The following RPTOR variants were observed in gnomAD, a reference collection of about 807,000 sequenced individuals.
The protein encoded by RPTOR is regulatory associated protein of MTOR complex 1.
In RPTOR, 21 loss-of-function variants were observed where a neutral mutation model predicts 169.9. The observed-to-expected ratio is 0.12, with a 90% CI of 0.09 to 0.18. The LOEUF (loss-of-function observed/expected upper bound fraction) is 0.18, where lower values mean the gene tolerates loss of function less well. RPTOR is among the 10% of genes least tolerant of loss of function. The pLI, the probability that RPTOR is intolerant of heterozygous loss-of-function variation, is 1.00. For missense variants in RPTOR, 1,133 were observed against 1,855.9 expected (o/e 0.61, Z 7.16); for synonymous variants, 732 against 753.2 (o/e 0.97, Z 0.46).
Position 80,707,173 on chromosome 17 carries a change from G to A in RPTOR, c.349-668G>A, listed in dbSNP as rs974363832. ...CACTCTTCTGCCATTGCTGCCATGT[G>A]TACATTGCAGGCTCCTTCATTTGAG... On this transcript the variant is annotated intron_variant, in intron 3 of 33. Transcript: ENST00000306801. The surrounding 1 kb of genome is among the most constrained non-coding windows in gnomAD (Gnocchi z 5.0). Among the ~76,000 whole-genome samples the A allele has an allele frequency of 1.3e-5, 2 of 152,184 alleles. No homozygotes were observed. Among genetic ancestry groups the A allele is most frequent in the African/African-American group, 4.8e-5 (2 of 41,430 alleles).
Position 80,707,832 on chromosome 17 carries a change from C to G in RPTOR, c.349-9C>G. The G allele has an allele frequency of 6.2e-7, 1 of 1,607,112 alleles. No homozygotes were observed. The highest frequency in any genetic ancestry group is 8.5e-7 in the Non-Finnish European group (1 of 1,174,778). On this transcript the variant is annotated splice_polypyrimidine_tract_variant and intron_variant, in intron 3 of 33. Transcript: ENST00000306801. This position sits in a 1 kb window ranked among gnomAD's most constrained non-coding sequence, Gnocchi z 5.0. ...GTGGTAAATTTCTTCATTTCTTCTC[C>G]TGCAACAGGCCCGGTACAAGCAGAG...
chr17:80,680,795 C>G (rs1215991999), intron 3 of RPTOR, among the ~76,000 whole-genome samples: 1 of 152,100 alleles, frequency 6.6e-6, no homozygotes, highest in Middle Eastern at 3.2e-3. Context: ...AGCTCCTTTG[C>G]AAGTGGTCCT....
chr17:80,729,453 A>G (rs1188858251), intron 4 of RPTOR, among the ~76,000 whole-genome samples: 2 of 152,232 alleles, frequency 1.3e-5, no homozygotes, highest in African/African-American at 2.4e-5. Context: ...GTGTTTCTCA[A>G]GTGAGATGAG....
At chr17:80,843,576 C>T (rs1460358226) in intron 10 of RPTOR, among the ~76,000 whole-genome samples, 1 of 151,842 alleles carries the variant, frequency 6.6e-6, no homozygotes, top group Non-Finnish European at 1.5e-5. Flanking sequence ...AATGTCCCTA[C>T]AGAGCCGTAC....
In RPTOR at chr17:80,659,782, G is replaced by A. The variant is rs563685901; in HGVS notation, c.348+15972G>A. Among the ~76,000 whole-genome samples the A allele has an allele frequency of 2.5e-3, 385 of 152,182 alleles. No individual in the cohort carries two copies. The highest frequency in any genetic ancestry group is 3.9e-3 in the Non-Finnish European group (266 of 68,000). The stretch of plus-strand genomic sequence containing the variant: ...TCTCCCAAAGTGCTGAGATACAGGC[G>A]TGAGCCACTGCGCCCGGACCATCTG... On this transcript the variant is annotated intron_variant, in intron 3 of 33. Transcript: ENST00000306801. The surrounding 1 kb of genome is among the most constrained non-coding windows in gnomAD (Gnocchi z 4.3).
At position 80,695,823 on chromosome 17, in the gene RPTOR, G is replaced by C. The variant is rs557015562; in HGVS notation, c.349-12018G>C. Reference sequence around the variant, plus strand: ...GGCACCAAGGCCAGGGAGGAGCGTTGGGGGTGGCTGGAGCTGGTGGGCCAA... The same window carrying C: ...GGCACCAAGGCCAGGGAGGAGCGTTCGGGGTGGCTGGAGCTGGTGGGCCAA... On this transcript the variant is annotated intron_variant, in intron 3 of 33. Coordinates refer to ENST00000306801, the MANE Select transcript of RPTOR (RefSeq NM_020761.3). The surrounding 1 kb of genome is among the most constrained non-coding windows in gnomAD (Gnocchi z 4.9). Among the ~76,000 whole-genome samples the C allele has an allele frequency of 2.6e-3, 402 of 152,338 alleles. 2 individuals are homozygous for C. The highest frequency in any genetic ancestry group is 4.7e-3 in the Non-Finnish European group (319 of 68,026).
intron 24 of RPTOR, among the ~76,000 whole-genome samples, chr17:80,938,012 A>T (rs916009328): frequency 6.6e-6 from 1 of 152,216 alleles, no homozygotes; most frequent in Admixed American, 6.5e-5. Context: ...AGGGCTGTAA[A>T]GGAAGGCTGT....
chr17:80,700,628 GCGGCGATGATGGTGGTGGTGA>G (rs2066083271), intron 3 of RPTOR, among the ~76,000 whole-genome samples: 1 of 15,772 alleles, frequency 6.3e-5, no homozygotes, highest in Non-Finnish European at 1.5e-4. Context: ...GGTGGTGGTG[GCGGCGATGATGGTGGTGGTGA>G]TGGTAGAGAT....
Position 80,720,726 on chromosome 17 carries a change from A to G in RPTOR, c.508-9834A>G, listed in dbSNP as rs968273611. On this transcript the variant is annotated intron_variant, in intron 4 of 33. Coordinates refer to ENST00000306801, the MANE Select transcript of RPTOR (RefSeq NM_020761.3). ...GCGGTGCCCATGCTTGAGTGCGCCC[A>G]GCATCACCTGCAGGCTCACGGAGCC... is the stretch of plus-strand genomic sequence containing the variant. Among the ~76,000 whole-genome samples, 6 of 152,230 alleles carry G rather than the reference A, an allele frequency of 3.9e-5. No individual in the cohort carries two copies. The East Asian group carries it at 1.2e-3, about 29-fold the overall frequency.
At chr17:80,641,377 T>A (rs750108711) in intron 2 of RPTOR, among the ~76,000 whole-genome samples, 27 of 152,272 alleles carry the variant, frequency 1.8e-4, no homozygotes, top group Non-Finnish European at 3.2e-4. Flanking sequence ...CTGGCATCTC[T>A]GTTTTGAAAA....
chr17:80,816,323 G>A (rs1454266385), intron 7 of RPTOR, among the ~76,000 whole-genome samples: 1 of 152,230 alleles, frequency 6.6e-6, no homozygotes, highest in African/African-American at 2.4e-5. Context: ...AGGCCTGGCT[G>A]GCCCCAGTGC....
At chr17:80,742,329 G>T (rs1324942464) in intron 5 of RPTOR, among the ~76,000 whole-genome samples, 1 of 152,132 alleles carries the variant, frequency 6.6e-6, no homozygotes, top group Non-Finnish European at 1.5e-5. Flanking sequence ...GGAGGAGCTG[G>T]CTGGAGGCGG....
intron 6 of RPTOR, among the ~76,000 whole-genome samples, chr17:80,760,660 G>C (rs546005663): frequency 6.8e-4 from 104 of 152,304 alleles, no homozygotes; most frequent in Non-Finnish European, 1.2e-3. Context: ...AGGAGCTATA[G>C]CTTGGCACTT....
chr17:80,684,334 A>G lies in RPTOR; in HGVS notation c.349-23507A>G, dbSNP rs1184055698. 2.0e-5 allele frequency among the ~76,000 whole-genome samples: 3 copies of G among 151,216 alleles called. No individual in the cohort carries two copies. The South Asian group carries it at 6.3e-4, about 32-fold the overall frequency. ...ATGTCATCTCCCCAATCCTGTTTCC[A>G]GGCTGCCTTGTGTTTCATTACTTTC... is the stretch of plus-strand genomic sequence containing the variant. On this transcript the variant is annotated intron_variant, in intron 3 of 33. Coordinates refer to ENST00000306801, the MANE Select transcript of RPTOR (RefSeq NM_020761.3).
chr17:80,576,038 T>C (rs2064960562), intron 1 of RPTOR, among the ~76,000 whole-genome samples: 2 of 152,220 alleles, frequency 1.3e-5, no homozygotes, highest in African/African-American at 4.8e-5. Flanking sequence ...AGTTTTCTCT[T>C]GGTTAGTGTC....
intron 1 of RPTOR, chr17:80,593,184 C>T (rs764640040): frequency 7.2e-5 from 11 of 153,032 alleles, no homozygotes; most frequent in Admixed American, 2.0e-4. Context: ...TCAAGGAAAA[C>T]AACTGATGGC....
intron 2 of RPTOR, among the ~76,000 whole-genome samples, chr17:80,626,201 C>T (rs558522656): frequency 1.2e-3 from 179 of 152,092 alleles, no homozygotes; most frequent in African/African-American, 4.1e-3. Flanking sequence ...TACAGGCACC[C>T]GCCAACACAC....
chr17:80,963,003 C>T lies in RPTOR; in HGVS notation c.3885C>T (p.Gly1295=), dbSNP rs2069365757. 3 of 1,611,680 alleles carry T rather than the reference C, an allele frequency of 1.9e-6. No individual in the cohort carries two copies. The highest frequency in any genetic ancestry group is 2.5e-6 in the Non-Finnish European group (3 of 1,179,062). Residue 1295 remains glycine, a synonymous_variant, in exon 33 of 34, where the codon GGC becomes GGT. Coordinates refer to ENST00000306801, the MANE Select transcript of RPTOR (RefSeq NM_020761.3). The part of the protein sequence containing the change: ...ELINNIKYYD[G]FMGQRVGAIS... ...TCAACAACATCAAGTACTACGACGG[C>T]TTCATGGGCCAGCGGGTCGGCGCCA... is the stretch of plus-strand genomic sequence containing the variant.
chr17:80,838,019 CT>C, intron 10 of RPTOR, 22 bp downstream of exon 10: 1 of 1,596,644 alleles, frequency 6.3e-7, no homozygotes. Context: ...CAAGGGCACC[CT>C]GTGCATCCGC....
Sources: allele counts gnomAD v4.1 joint callset (sites outside exome capture counted in the v4.1 genomes callset), GRCh38; gene constraint gnomAD v4.1.1; non-coding constraint Gnocchi (gnomAD v3.1); transcripts MANE v1.5; gene names NCBI Gene and HGNC (gene_info 2026-07-23, HGNC 2026-07-21).